Variants in CDH12 observed in about 807,000 individuals in gnomAD.
The protein encoded by CDH12 is cadherin 12, also known as cadherin-12.
A neutral mutation model predicts 74.1 loss-of-function variants in CDH12; 41 were observed. The observed-to-expected ratio is 0.55, with a 90% CI of 0.43 to 0.72. CDH12 has a LOEUF of 0.72. Ranked by LOEUF, CDH12 falls within the 30% of genes least tolerant of loss-of-function variation. The pLI, the probability that CDH12 is intolerant of heterozygous loss-of-function variation, is 0.00. For missense variants in CDH12, 945 were observed against 977.2 expected, an observed-to-expected ratio of 0.97 and a Z score of 0.44; for synonymous variants, 399 against 355.0, an observed-to-expected ratio of 1.12 and a Z score of -1.39.
chr5:22,036,433 G>T (rs1449114237), intron 5 of CDH12, among the ~76,000 whole-genome samples: 7 of 152,156 alleles, frequency 4.6e-5, no homozygotes, highest in African/African-American at 1.7e-4. Flanking sequence ...ACTAGGAAAT[G>T]GGGACCCTTT....
At chr5:22,183,264 G>T (rs1479091704) in intron 4 of CDH12, among the ~76,000 whole-genome samples, 1 of 151,604 alleles carries the variant, frequency 6.6e-6, no homozygotes, top group African/African-American at 2.4e-5. Context: ...TCAAGATGAG[G>T]ACTAAATAAA....
At chr5:22,134,626 C>CCT (rs763684014) in intron 4 of CDH12, among the ~76,000 whole-genome samples, 2 of 145,380 alleles carry the variant, frequency 1.4e-5, no homozygotes, top group Non-Finnish European at 3.0e-5. Context: ...GTCTTTTCTT[C>CCT]CTCTCCATTC....
chr5:22,111,315 A>G, intron 4 of CDH12, among the ~76,000 whole-genome samples: 1 of 152,292 alleles, frequency 6.6e-6, no homozygotes, highest in Admixed American at 6.5e-5. Flanking sequence ...TATACCTTTA[A>G]AAGTTGCTCT....
intron 2 of CDH12, among the ~76,000 whole-genome samples, chr5:22,452,830 C>A (rs1243962098): frequency 1.2e-5 from 1 of 81,828 alleles, no homozygotes; most frequent in African/African-American, 5.2e-5. Context: ...AGACAACTGA[C>A]AAGAAGTTAA....
chr5:21,891,662 T>A (rs1752907174), intron 6 of CDH12, among the ~76,000 whole-genome samples: 1 of 151,888 alleles, frequency 6.6e-6, no homozygotes, highest in African/African-American at 2.4e-5. Context: ...TCAGAGTTAA[T>A]CTTTGGATTA....
chr5:22,183,280 G>C (rs1307005801), intron 4 of CDH12, among the ~76,000 whole-genome samples: 2 of 151,938 alleles, frequency 1.3e-5, no homozygotes, highest in Admixed American at 6.6e-5. Context: ...ATAAAATATT[G>C]CTTATAATAT....
chr5:22,420,407 C>T (rs1743589704), intron 2 of CDH12, among the ~76,000 whole-genome samples: 1 of 152,076 alleles, frequency 6.6e-6, no homozygotes, highest in Admixed American at 6.6e-5. Context: ...TCCAGTTTGC[C>T]CAGCACCATT....
chr5:22,792,246 G>A (rs961155253), intron 1 of CDH12, among the ~76,000 whole-genome samples: 1 of 151,674 alleles, frequency 6.6e-6, no homozygotes, highest in African/African-American at 2.4e-5. Context: ...CCGCCATCAC[G>A]CCCCACTAAT....
intron 8 of CDH12, among the ~76,000 whole-genome samples, chr5:21,818,410 G>T (rs113979247): frequency 0.01 from 1,576 of 152,046 alleles, 20 homozygotes; most frequent in African/African-American, 0.036. Context: ...TAGAGATTCT[G>T]CCAGATATTT....
chr5:22,231,014 G>A (rs971254050), intron 3 of CDH12, among the ~76,000 whole-genome samples: 1 of 152,132 alleles, frequency 6.6e-6, no homozygotes, highest in African/African-American at 2.4e-5. Context: ...AAATTGCAAT[G>A]TGCACAGAAT....
intron 1 of CDH12, among the ~76,000 whole-genome samples, chr5:22,670,763 TC>T (rs1260641087): frequency 6.6e-6 from 1 of 152,102 alleles, no homozygotes; most frequent in Non-Finnish European, 1.5e-5. Flanking sequence ...ATTTGCACTT[TC>T]CTCAGTAACG....
At chr5:22,066,400 T>C (rs919649217) in intron 5 of CDH12, among the ~76,000 whole-genome samples, 1 of 152,116 alleles carries the variant, frequency 6.6e-6, no homozygotes, top group African/African-American at 2.4e-5. Flanking sequence ...TTCAGACCTT[T>C]GGGGGACTAC....
chr5:22,206,679 C>CAAA (rs71609754), intron 4 of CDH12, among the ~76,000 whole-genome samples: 2,193 of 54,816 alleles, frequency 0.04, 206 homozygotes, highest in African/African-American at 0.052. Flanking sequence ...GATTCCACTG[C>CAAA]AAAAAAAAAA....
chr5:22,510,740 T>C (rs1736567623), intron 1 of CDH12, among the ~76,000 whole-genome samples: 1 of 152,170 alleles, frequency 6.6e-6, no homozygotes, highest in Non-Finnish European at 1.5e-5. Context: ...TAATTATTTT[T>C]CTAATTATGT....
At chr5:22,102,228 CA>C (rs1390518002) in intron 4 of CDH12, among the ~76,000 whole-genome samples, 12 of 152,120 alleles carry the variant, frequency 7.9e-5, no homozygotes, top group African/African-American at 2.9e-4. Flanking sequence ...GATAATAAGA[CA>C]TTATGACGTC....
intron 11 of CDH12, among the ~76,000 whole-genome samples, chr5:21,766,964 C>T (rs1745060581): frequency 6.6e-6 from 1 of 151,854 alleles, no homozygotes; most frequent in South Asian, 2.1e-4. Flanking sequence ...TTGATTCCAG[C>T]TGTTCTGATT....
Position 21,810,921 on chromosome 5 carries a change from T to C in CDH12, c.1002+6024A>G, listed in dbSNP as rs1046319656. Among the ~76,000 whole-genome samples the C allele has an allele frequency of 7.9e-5, 12 of 152,232 alleles. 1 individual carries two copies. In the South Asian group the frequency reaches 2.5e-3, roughly 32 times the overall value. On this transcript the variant is annotated intron_variant, in intron 9 of 14. Coordinates refer to ENST00000382254, the MANE Select transcript of CDH12 (RefSeq NM_004061.5). The stretch of plus-strand genomic sequence containing the variant: ...ATGATGGTGCTATGCTACCAAATCA[T>C]GTGAACTCATTTGTCAAGCGTGAAA...
intron 3 of CDH12, among the ~76,000 whole-genome samples, chr5:22,350,471 C>T (rs1360097151): frequency 6.6e-6 from 1 of 152,114 alleles, no homozygotes; most frequent in Non-Finnish European, 1.5e-5. Flanking sequence ...GTAAGTGTTA[C>T]TCTTTTTTAA....
At position 21,751,416 on chromosome 5, in the gene CDH12, G is replaced by T. The variant is rs374333753; in HGVS notation, c.*321C>A. On this transcript the variant is annotated 3_prime_UTR_variant, in exon 15 of 15. Coordinates refer to ENST00000382254, the MANE Select transcript of CDH12 (RefSeq NM_004061.5). ...ATGCCACATAGCTATCTTCGTTCTA[G>T]GTTGTCATGTCAGTAAATTGTATTG... The T allele has an allele frequency of 8.1e-5, 20 of 245,638 alleles. No homozygotes were observed. Among genetic ancestry groups the T allele is most frequent in the African/African-American group, 4.5e-4 (20 of 44,734 alleles). The allele number at this position is 245,638 out of a possible 1,614,324, so 15.2% of individuals were successfully genotyped here.
Sources: gnomAD v4.1 joint callset for allele counts (sites outside exome capture counted in the v4.1 genomes callset) on GRCh38, gnomAD v4.1.1 for gene constraint, MANE v1.5 for transcripts, NCBI Gene and HGNC (gene_info 2026-07-23, HGNC 2026-07-21) for gene names.